The following CD207 variants were observed in gnomAD, a reference collection of about 807,000 sequenced individuals.
The protein encoded by CD207 is CD207 molecule.
CD207 carries 28 observed loss-of-function variants against 31.6 expected under a neutral mutation model. The ratio of observed to expected loss-of-function variants is 0.89; its 90% CI spans 0.66 to 1.21. CD207 has a LOEUF of 1.21. Ranked by LOEUF, CD207 falls within the 50% of genes most tolerant of loss-of-function variation. The probability of loss-of-function intolerance (pLI) is 0.00; values close to 1 mark genes in which losing one functional copy is unlikely to be tolerated. For synonymous variants in CD207, 168 were observed against 153.9 expected (o/e 1.09, Z -0.68); for missense variants, 388 against 397.8 (o/e 0.98, Z 0.21).
Position 70,833,683 on chromosome 2 carries a change from G to A in CD207, c.528C>T (p.Gly176=). 1 of 1,613,760 alleles carries A rather than the reference G, an allele frequency of 6.2e-7. No homozygotes were observed. Among genetic ancestry groups the A allele is most frequent in the South Asian group, 1.1e-5 (1 of 91,044 alleles). Residue 176 remains glycine (G), a synonymous_variant, in exon 3 of 6, where the codon GGC becomes GGT. Transcript: ENST00000410009. ...ALNTKIRALQ[G]SLENMSKLLK... ...GCAACTTGCTCATATTCTCCAAGCT[G>A]CCCTGGAGTGCCCGGATCTTTGTAT...
intron 3 of CD207, 104 bp downstream of exon 3, chr2:70,833,542 C>T (rs1677529401): frequency 1.5e-6 from 2 of 1,334,556 alleles, no homozygotes; most frequent in Non-Finnish European, 2.0e-6. Context: ...CTCTTTTGCC[C>T]CCACTCTCCT....
downstream of CD207, among the ~76,000 whole-genome samples, chr2:70,828,148 T>C (rs1677388809): frequency 6.6e-6 from 1 of 152,186 alleles, no homozygotes; most frequent in African/African-American, 2.4e-5. Context: ...GTGGGGTCCA[T>C]GATACGAGGA....
At chr2:70,827,632 G>C (rs1553399048), downstream of CD207, among the ~76,000 whole-genome samples, 2 of 150,746 alleles carry the variant, frequency 1.3e-5, no homozygotes, top group Non-Finnish European at 3.0e-5. Context: ...AACTACACAC[G>C]TGTGTGCGCG....
Position 70,831,701 on chromosome 2 carries a change from C to CTCACACT in CD207, c.829_835dup (p.Arg279LysfsTer9). On this transcript the variant is annotated frameshift_variant and splice_region_variant, in exon 5 of 6. Transcript: ENST00000410009. LOFTEE classifies it low-confidence loss of function (END_TRUNC). ...GGCACGGAGGGCTCCAGGGGCTTAC[C>CTCACACT]TCACACTTTGGACCTTGTTGAATGG... 1 of 1,597,722 alleles carries CTCACACT rather than the reference C, an allele frequency of 6.3e-7. No individual in the cohort carries two copies. Among genetic ancestry groups the CTCACACT allele is most frequent in the Non-Finnish European group, 8.6e-7 (1 of 1,165,274 alleles).
the CD207 span, among the ~76,000 whole-genome samples, chr2:70,824,621 C>CAAAAAAAAAAAAA: frequency 3.0e-3 from 113 of 38,242 alleles, 16 homozygotes; most frequent in East Asian, 5.3e-3. Flanking sequence ...TGCTTAGTTA[C>CAAAAAAAAAAAAA]CAAAAAAAAA....
the CD207 span, among the ~76,000 whole-genome samples, chr2:70,824,386 CA>C: frequency 2.0e-5 from 3 of 151,156 alleles, no homozygotes; most frequent in African/African-American, 7.3e-5. Context: ...ATGATCTTTT[CA>C]AAAAAAATTA....
intron 4 of CD207, 46 bp downstream of exon 4, chr2:70,832,854 A>G (rs782592632): frequency 1.3e-6 from 2 of 1,558,524 alleles, no homozygotes; most frequent in African/African-American, 1.4e-5. Context: ...TCCCTGGCCC[A>G]GTGCTCATAC....
Position 70,833,641 on chromosome 2 carries a change from C to T in CD207, c.565+5G>A. The stretch of plus-strand genomic sequence containing the variant: ...AGCTTCAATGTAATTTTCTGAGTCA[C>T]TTACTTTGTCGTTTGAGCAACTTGC... On this transcript the variant is annotated splice_donor_5th_base_variant and intron_variant, in intron 3 of 5. Coordinates refer to ENST00000410009, the MANE Select transcript of CD207 (RefSeq NM_015717.5). 6.2e-7 allele frequency: 1 copy of T among 1,603,920 alleles called. No homozygotes were observed. Among genetic ancestry groups the T allele is most frequent in the Non-Finnish European group, 8.5e-7 (1 of 1,174,200 alleles).
intron 5 of CD207, among the ~76,000 whole-genome samples, 153 bp downstream of exon 5, chr2:70,831,548 G>T (rs898539058): frequency 5.9e-5 from 9 of 152,216 alleles, no homozygotes; most frequent in African/African-American, 1.4e-4. Context: ...TTGGTGACAG[G>T]GTTGTGCTCG....
rs1384611471 is a variant in CD207 at position 70,835,538 on chromosome 2, C to T, written c.143G>A (p.Cys48Tyr). Residue 48 changes from cysteine to tyrosine, a missense_variant, in exon 2 of 6, where the codon TGC becomes TAC. Coordinates refer to ENST00000410009, the MANE Select transcript of CD207 (RefSeq NM_015717.5). ...KTPTVRAALI[C>Y]LTLVLVASVL... is the part of the protein sequence containing the mutation. ...GGAGGCGACCAGGACCAGCGTCAGG[C>T]AGATTAATGCAGCACGGACTGTGGG... 1.2e-6 allele frequency: 2 copies of T among 1,613,770 alleles called. No homozygotes were observed. Among genetic ancestry groups the T allele is most frequent in the African/African-American group, 2.7e-5 (2 of 74,880 alleles).
At chr2:70,835,039 C>T (rs1268194355) in intron 2 of CD207, among the ~76,000 whole-genome samples, 18 of 152,174 alleles carry the variant, frequency 1.2e-4, no homozygotes, top group African/African-American at 2.2e-4. Context: ...TCTGTTGGCT[C>T]GTTGGCCAGG....
At chr2:70,825,721 T>C (rs561227733), downstream of CD207, among the ~76,000 whole-genome samples, 4 of 152,256 alleles carry the variant, frequency 2.6e-5, no homozygotes, top group African/African-American at 9.6e-5. Flanking sequence ...GTATTTTTTT[T>C]TTAGAGACAG....
intron 3 of CD207, 131 bp from the exon 4 acceptor site, chr2:70,833,182 G>A (rs1358968036): frequency 1.3e-6 from 1 of 768,996 alleles, no homozygotes; most frequent in South Asian, 1.7e-5. Flanking sequence ...TTGGGTCCTT[G>A]TATAGGAGAT....
chr2:70,833,297 G>C (rs1677523474), intron 3 of CD207, among the ~76,000 whole-genome samples: 1 of 152,180 alleles, frequency 6.6e-6, no homozygotes, highest in African/African-American at 2.4e-5. Context: ...TCTTCCCCAT[G>C]ATGAGGAAGC....
rs1451373781 is a variant in CD207 at position 70,835,604 on chromosome 2, G to T, written c.77C>A (p.Pro26His). ...CAGAGATGGACCGGACTTGGGAGGAGGCTCTGTTGGAAGAAGAAGAAAATG... is the reference window on the plus strand; with the variant it reads ...CAGAGATGGACCGGACTTGGGAGGATGCTCTGTTGGAAGAAGAAGAAAATG... The part of the protein sequence containing the change: ...KQNISLWPRE[P>H]PPKSGPSLVP... The change falls in exon 2 of 6, where the codon CCT becomes CAT. Residue 26 changes from proline (P) to histidine (H), a missense_variant. Physicochemically the swap from Pro to His is moderately conservative, Grantham distance 77. Coordinates refer to ENST00000410009, the MANE Select transcript of CD207 (RefSeq NM_015717.5). 2 of 1,613,542 alleles carry T rather than the reference G, an allele frequency of 1.2e-6. No homozygotes were observed. The highest frequency in any genetic ancestry group is 1.7e-6 in the Non-Finnish European group (2 of 1,179,556).
chr2:70,834,074 G>T (rs1484062634), intron 2 of CD207, 54 bp from the exon 3 acceptor site: 3 of 1,438,960 alleles, frequency 2.1e-6, no homozygotes, highest in Admixed American at 2.6e-5. Flanking sequence ...GGACAGGAGT[G>T]GGGGTGTTGT....
In CD207 at chr2:70,832,921, C is replaced by T. The variant is rs142863447; in HGVS notation, c.696G>A (p.Ser232=). The change falls in exon 4 of 6, where the codon TCG becomes TCA. Residue 232 remains serine (S), a synonymous_variant. Transcript: ENST00000410009. ...TCACCTGCTCACTCTCTGAGGTCAC[C>T]GAGGTCAGGTGTGAATTCCTGGACA... The part of the protein sequence containing the change: ...FCVSRNSHLT[S]VTSESEQEFL... 4.6e-3 allele frequency: 7,436 copies of T among 1,613,686 alleles called. 49 individuals are homozygous for T. Among genetic ancestry groups the T allele is most frequent in the Non-Finnish European group, 4.1e-3 (4,854 of 1,179,698 alleles).
Position 70,832,972 on chromosome 2 carries a change from G to T in CD207, c.645C>A (p.Thr215=). The T allele has an allele frequency of 6.2e-7, 1 of 1,613,948 alleles. No homozygotes were observed. Among genetic ancestry groups the T allele is most frequent in the Non-Finnish European group, 8.5e-7 (1 of 1,179,842 alleles). ...CACAGAACTGCTCGGCACTATACCA[G>T]GTCTTTGGAATGAGAGAAAAGTAAT... ...NFYYFSLIPK[T]WYSAEQFCVS... Residue 215 remains threonine, a synonymous_variant, in exon 4 of 6, where the codon ACC becomes ACA. Transcript: ENST00000410009.
chr2:70,824,954 A>G, the CD207 span, among the ~76,000 whole-genome samples: 12 of 152,200 alleles, frequency 7.9e-5, no homozygotes, highest in African/African-American at 2.7e-4. Context: ...TCCTTCCAAA[A>G]AGTTCAGTAC....
Sources: allele counts gnomAD v4.1 joint callset (sites outside exome capture counted in the v4.1 genomes callset), GRCh38; gene constraint gnomAD v4.1.1; transcripts MANE v1.5; gene names NCBI Gene and HGNC (gene_info 2026-07-23, HGNC 2026-07-21).